The following ABCC6 variants were observed in gnomAD, a reference collection of about 807,000 sequenced individuals.
ABCC6 encodes ATP-binding cassette sub-family C member 6.
A neutral mutation model predicts 169.5 loss-of-function variants in ABCC6; 126 were observed. The ratio of observed to expected loss-of-function variants is 0.74; its 90% confidence interval spans 0.64 to 0.86. The LOEUF (loss-of-function observed/expected upper bound fraction) is 0.86. Among genes scored for constraint, ABCC6 ranks in the 40% least tolerant of loss-of-function variants. ABCC6 has a pLI of 0.00. For missense variants in ABCC6, 1,733 were observed against 1,927.2 expected (o/e 0.90, Z 1.89); for synonymous variants, 752 against 814.7 (o/e 0.92, Z 1.31).
chr16:16,159,386 A>C, intron 26 of ABCC6, 96 bp downstream of exon 26: 3 of 1,182,874 alleles, frequency 2.5e-6, no homozygotes, highest in African/African-American at 1.5e-5. Flanking sequence ...AAGAGGGTAT[A>C]AACTCCAAAG....
At chr16:16,181,698 G>A (rs1172148507) in intron 17 of ABCC6, 1 of 153,758 alleles carries the variant, frequency 6.5e-6, no homozygotes, top group Non-Finnish European at 1.4e-5. Context: ...TGTCTCTGAG[G>A]TAAATGGGGA....
Position 16,187,204 on chromosome 16 carries a change from AC to A in ABCC6, c.1786del (p.Val596CysfsTer20), listed in dbSNP as rs1180478434. ...GAAGGTGACCAGACGGTCAAAGGAC[AC>A]CCGGGCCTAGGAAAACCGAAGCCGC... ...FSIHSLVQAR[V>X]SFDRLVTFLC... is the part of the protein sequence containing the mutation. On this transcript the variant is annotated frameshift_variant, in exon 14 of 31. Transcript: ENST00000205557. LOFTEE classifies it high-confidence loss of function. 6.2e-7 allele frequency: 1 copy of A among 1,613,244 alleles called. No homozygotes were observed. Among genetic ancestry groups the A allele is most frequent in the South Asian group, 1.1e-5 (1 of 90,946 alleles).
In ABCC6 at chr16:16,160,992, C is replaced by T. The variant is rs938449849; in HGVS notation, c.3633+446G>A. On this transcript the variant is annotated intron_variant, in intron 25 of 30. Transcript: ENST00000205557. ...TAGTGGCTCACGCCTGTAATTCCAG[C>T]AACTTGGGAGGCTGAGGCATAAGAA... 2.6e-5 allele frequency among the ~76,000 whole-genome samples: 4 copies of T among 152,086 alleles called. 1 individual carries two copies. Among genetic ancestry groups the T allele is most frequent in the Admixed American group, 1.3e-4 (2 of 15,266 alleles).
chr16:16,170,935 A>G (rs1453024683), intron 21 of ABCC6, among the ~76,000 whole-genome samples: 2 of 134,228 alleles, frequency 1.5e-5, no homozygotes, highest in African/African-American at 2.7e-5. Context: ...AAAAAAAAAA[A>G]AAAAAAGAAA....
At position 16,202,100 on chromosome 16, in the gene ABCC6, T is replaced by C. The variant is rs72664283; in HGVS notation, c.1077A>G (p.Ser359=). Residue 359 remains serine (S), a synonymous_variant, in exon 9 of 31, where the codon TCA becomes TCG. Transcript: ENST00000205557. ...GYLLAVLMFL[S]ACLQTLFEQQ... ...GCTCAAACAGCGTTTGCAGGCAGGC[T>C]GAGAGGAACATCAGCACGGCGAGGA... is the stretch of plus-strand genomic sequence containing the variant. The C allele has an allele frequency of 3.7e-3, 6,032 of 1,610,970 alleles. 112 individuals are homozygous for C. Among genetic ancestry groups the C allele is most frequent in the African/African-American group, 0.035 (2,615 of 74,218 alleles).
intron 24 of ABCC6, 115 bp from the exon 25 acceptor site, chr16:16,161,679 T>G (rs1157549617): frequency 7.1e-7 from 1 of 1,414,094 alleles, no homozygotes; most frequent in African/African-American, 1.4e-5. Context: ...GTCCCAGCAA[T>G]GGCCTCCACA....
intron 21 of ABCC6, among the ~76,000 whole-genome samples, chr16:16,172,399 C>A (rs71390539): frequency 0.47 from 6,655 of 14,172 alleles, 225 homozygotes; most frequent in African/African-American, 0.51. Context: ...GGTGGGATGG[C>A]TAAATGAGTG....
Position 16,178,873 on chromosome 16 carries a change from C to T in ABCC6, c.2340G>A (p.Leu780=). The part of the protein sequence containing the change: ...KAAVYLLDDP[L]AALDAHVGQH... ...GGCCAACGTGGGCATCCAGGGCCGC[C>T]AGGGGGTCATCCAGCAGGTACACAG... Residue 780 remains leucine, a synonymous_variant, in exon 18 of 31, where the codon CTG becomes CTA. Transcript: ENST00000205557. 1 of 1,613,918 alleles carries T rather than the reference C, an allele frequency of 6.2e-7. No individual in the cohort carries two copies. Among genetic ancestry groups the T allele is most frequent in the South Asian group, 1.1e-5 (1 of 91,082 alleles).
At chr16:16,157,460 C>T (rs1029954218) in intron 27 of ABCC6, among the ~76,000 whole-genome samples, 10 of 152,084 alleles carry the variant, frequency 6.6e-5, no homozygotes. Flanking sequence ...CATCTGGGGA[C>T]ACCAAGGTGG....
intron 17 of ABCC6, among the ~76,000 whole-genome samples, chr16:16,180,291 A>C (rs2047425209): frequency 6.6e-6 from 1 of 152,180 alleles, no homozygotes; most frequent in African/African-American, 2.4e-5. Flanking sequence ...ACAATATGTA[A>C]TGATCAAATC....
Position 16,177,465 on chromosome 16 carries a change from A to G in ABCC6, c.2577T>C (p.Asp859=). ...CLLDQARQPG[D]RGEGETEPGT... ...CCCACCTAGTACCTCCTTCTCCTCT[A>G]TCTCCTGGCTGTCTGGCTTGATCCA... The change falls in exon 19 of 31, where the codon GAT becomes GAC. Residue 859 remains aspartate (D), a synonymous_variant. Transcript: ENST00000205557. 1 of 1,614,102 alleles carries G rather than the reference A, an allele frequency of 6.2e-7. No homozygotes were observed. Among genetic ancestry groups the G allele is most frequent in the Non-Finnish European group, 8.5e-7 (1 of 1,180,022 alleles).
chr16:16,187,038 A>G lies in ABCC6; in HGVS notation c.1867+86T>C, dbSNP rs7192961. The stretch of plus-strand genomic sequence containing the variant: ...CCCGCAGCCCCCATCTCCCCCCAGT[A>G]CTGATGCTGGCTTGCCATTATGGGC... On this transcript the variant is annotated intron_variant, in intron 14 of 30. Coordinates refer to ENST00000205557, the MANE Select transcript of ABCC6 (RefSeq NM_001171.6). 0.45 allele frequency: 542,609 copies of G among 1,200,330 alleles called. 127,849 individuals are homozygous for G. Among genetic ancestry groups the G allele is most frequent in the Non-Finnish European group, 0.49 (407,476 of 827,350 alleles). The allele number at this position is 1,200,330 out of a possible 1,614,324, so 74.4% of individuals were successfully genotyped here.
intron 11 of ABCC6, among the ~76,000 whole-genome samples, chr16:16,192,308 C>CG (rs1002406704): frequency 6.6e-6 from 1 of 152,032 alleles, no homozygotes; most frequent in African/African-American, 2.4e-5. Flanking sequence ...CAGCTCAGGG[C>CG]GGGCCTGGTG....
At chr16:16,198,330 G>C in intron 9 of ABCC6, 148 bp from the exon 10 acceptor site, 1 of 812,470 alleles carries the variant, frequency 1.2e-6, no homozygotes, top group South Asian at 1.8e-5. Context: ...AGGGCTCTTT[G>C]AGGATCCACA....
chr16:16,204,774 C>T (rs2048340749), intron 7 of ABCC6, among the ~76,000 whole-genome samples: 1 of 151,930 alleles, frequency 6.6e-6, no homozygotes, highest in Admixed American at 6.6e-5. Flanking sequence ...TGGTCCCCTG[C>T]TGAGTCCCCT....
Position 16,188,910 on chromosome 16 carries a change from G to C in ABCC6, c.1700C>G (p.Ala567Gly). Residue 567 changes from alanine (A) to glycine (G), a missense_variant, in exon 13 of 31, where the codon GCC (alanine) becomes GGC (glycine). Around this residue, in one of 5 missense-constraint regions of ABCC6, gnomAD observed 1,601 missense variants for 1,635.5 expected, o/e 0.98. Coordinates refer to ENST00000205557, the MANE Select transcript of ABCC6 (RefSeq NM_001171.6). ...VAENAMNAEK[A>G]FVTLTVLNIL... ...GTTGAGAACTGTGAGAGTCACAAAG[G>C]CTTTCTCTGCATTCATAGCATTCTC... 6.2e-7 allele frequency: 1 copy of C among 1,614,084 alleles called. No homozygotes were observed. Among genetic ancestry groups the C allele is most frequent in the Non-Finnish European group, 8.5e-7 (1 of 1,179,982 alleles).
At chr16:16,186,572 G>A (rs1161095394) in intron 14 of ABCC6, among the ~76,000 whole-genome samples, 1 of 151,114 alleles carries the variant, frequency 6.6e-6, no homozygotes, top group Non-Finnish European at 1.5e-5. Flanking sequence ...CTGTGCATGT[G>A]AGGAATCTGG....
chr16:16,187,851 C>A (rs935438009), intron 13 of ABCC6, among the ~76,000 whole-genome samples: 3 of 151,884 alleles, frequency 2.0e-5, no homozygotes, highest in Admixed American at 2.0e-4. Context: ...GAGCTGAGAT[C>A]GTGCCACTGC....
At chr16:16,202,995 G>T (rs1307342445) in intron 8 of ABCC6, among the ~76,000 whole-genome samples, 1 of 152,094 alleles carries the variant, frequency 6.6e-6, no homozygotes, top group Non-Finnish European at 1.5e-5. Flanking sequence ...GGAGGATGGG[G>T]ACCCACATGG....
Sources: allele counts gnomAD v4.1 joint callset (sites outside exome capture counted in the v4.1 genomes callset), GRCh38; gene constraint gnomAD v4.1.1; regional missense constraint gnomAD v4.1.1; transcripts MANE v1.5; gene names NCBI Gene and HGNC (gene_info 2026-07-23, HGNC 2026-07-21).